Variants in CCDC180 observed in about 807,000 individuals in gnomAD.
CCDC180 encodes coiled-coil domain-containing protein 180.
A neutral mutation model predicts 209.2 loss-of-function variants in CCDC180; 154 were observed. The ratio of observed to expected loss-of-function variants is 0.74; its 90% confidence interval spans 0.65 to 0.84. The LOEUF (loss-of-function observed/expected upper bound fraction) is 0.84, where lower values mean the gene tolerates loss of function less well. CCDC180 is among the 40% of genes least tolerant of loss of function. The pLI, the probability that CCDC180 is intolerant of heterozygous loss-of-function variation, is 0.00. For missense variants in CCDC180, 1,874 were observed against 1,997.3 expected, an observed-to-expected ratio of 0.94 and a Z score of 1.18; for synonymous variants, 778 against 749.1, an observed-to-expected ratio of 1.04 and a Z score of -0.63.
In CCDC180 at chr9:97,326,708, C is replaced by G. The variant is rs768408423; in HGVS notation, c.1661+39C>G. On this transcript the variant is annotated intron_variant, in intron 15 of 36. Coordinates refer to ENST00000529487, the MANE Select transcript of CCDC180 (RefSeq NM_020893.6). Reference sequence around the variant, plus strand: ...ACTCCAGAAGGCAGGAAGGGATGGTCAGGAATTCATCTTCAAGGTCAAGGG... The same window carrying G: ...ACTCCAGAAGGCAGGAAGGGATGGTGAGGAATTCATCTTCAAGGTCAAGGG... 5 of 1,300,324 alleles carry G rather than the reference C, an allele frequency of 3.8e-6. No homozygotes were observed. In the African/African-American group the frequency reaches 4.4e-5, roughly 11 times the overall value. The allele number at this position is 1,300,324 out of a possible 1,614,324, so 80.5% of individuals were successfully genotyped here. A position where few individuals can be genotyped will look rare whatever the true frequency, so the allele number is the denominator to read the frequency against.
intron 19 of CCDC180, among the ~76,000 whole-genome samples, chr9:97,344,675 C>T (rs903252724): frequency 5.9e-5 from 9 of 152,178 alleles, no homozygotes; most frequent in African/African-American, 2.2e-4. Context: ...CAGAATCTTG[C>T]ACCAACCACT....
In CCDC180 at chr9:97,330,560, T is replaced by A. The variant is rs751417322; in HGVS notation, c.2067T>A (p.Ser689=). 5 of 1,614,148 alleles carry A rather than the reference T, an allele frequency of 3.1e-6. No individual in the cohort carries two copies. The highest frequency in any genetic ancestry group is 2.2e-5 in the South Asian group (2 of 91,078). ...HAKMDESKEG[S]IQGLEEMQVE... ...AGATGGATGAGTCCAAAGAAGGCTC[T>A]ATTCAGGGACTGGAAGAAATGCAGG... is the stretch of plus-strand genomic sequence containing the variant. The change falls in exon 18 of 37, where the codon TCT becomes TCA. Residue 689 remains serine, a synonymous_variant. Transcript: ENST00000529487.
rs80117659 is a variant in CCDC180 at position 97,343,582 on chromosome 9, T to A, written c.2498+19T>A. ...AGAAACAGTGAGTAAAAAACTATTT[T>A]ATTCTCATCCTGTTGTTCTGAGTTT... On this transcript the variant is annotated intron_variant, in intron 19 of 36. Transcript: ENST00000529487. 355 of 1,533,084 alleles carry A rather than the reference T, an allele frequency of 2.3e-4. 2 individuals are homozygous for A. In the East Asian group the frequency reaches 7.9e-3, roughly 34 times the overall value. The allele number at this position is 1,533,084 out of a possible 1,614,324, so 95.0% of individuals were successfully genotyped here.
chr9:97,339,102 C>G (rs1226292634), intron 18 of CCDC180, among the ~76,000 whole-genome samples: 1 of 152,150 alleles, frequency 6.6e-6, no homozygotes, highest in Non-Finnish European at 1.5e-5. Flanking sequence ...TGGGTCTTGA[C>G]TCTTTATTCA....
rs1228568071 is a variant in CCDC180, at chr9:97,343,385, A to T, written c.2320A>T (p.Met774Leu). Reference protein sequence around the residue: ...EGLEEIYYEDMESFTISSGNT... With the variant: ...EGLEEIYYEDLESFTISSGNT... ...TCTAGAGGAGATATACTATGAGGAC[A>T]TGGAGTCCTTCACAATCTCCAGTGG... Residue 774 changes from methionine (M) to leucine (L), a missense_variant, in exon 19 of 37, where the codon ATG (methionine) becomes TTG (leucine). Met to Leu is a conservative substitution (Grantham distance 15). Coordinates refer to ENST00000529487, the MANE Select transcript of CCDC180 (RefSeq NM_020893.6). 6.2e-7 allele frequency: 1 copy of T among 1,613,264 alleles called. No homozygotes were observed. The highest frequency in any genetic ancestry group is 2.2e-5 in the East Asian group (1 of 44,890).
intron 11 of CCDC180, among the ~76,000 whole-genome samples, chr9:97,321,815 A>C (rs1833367275): frequency 6.6e-6 from 1 of 152,182 alleles, no homozygotes; most frequent in Non-Finnish European, 1.5e-5. Flanking sequence ...GAGAACTGCA[A>C]GGGAGGTAAG....
At position 97,331,979 on chromosome 9, in the gene CCDC180, A is replaced by G. The variant is rs186819602; in HGVS notation, c.2274+1212A>G. Among the ~76,000 whole-genome samples the G allele has an allele frequency of 6.6e-5, 10 of 152,322 alleles. No homozygotes were observed. In the East Asian group the frequency reaches 1.3e-3, roughly 21 times the overall value. ...CATCATGAAATCTTTGCCAAGTCCTATGTCCAGAATGGTATTTCTTATTTT... is the reference window on the plus strand; with the variant it reads ...CATCATGAAATCTTTGCCAAGTCCTGTGTCCAGAATGGTATTTCTTATTTT... On this transcript the variant is annotated intron_variant, in intron 18 of 36. Transcript: ENST00000529487.
At position 97,370,701 on chromosome 9, in the gene CCDC180, G is replaced by A; in HGVS notation, c.4411G>A (p.Glu1471Lys). ...ACACCCCGTACATTTCCAAGAAATG[G>A]AGTCTCTACACTTAAGTGAAGAGGA... Reference protein sequence around the residue: ...LGHPVHFQEMESLHLSEEERQ... With the variant: ...LGHPVHFQEMKSLHLSEEERQ... The change falls in exon 33 of 37, where the codon GAG becomes AAG. Residue 1471 changes from glutamate (E) to lysine (K), a missense_variant. Transcript: ENST00000529487. The A allele has an allele frequency of 1.2e-6, 2 of 1,614,072 alleles. No homozygotes were observed. Among genetic ancestry groups the A allele is most frequent in the South Asian group, 2.2e-5 (2 of 91,076 alleles).
Position 97,330,783 on chromosome 9 carries a change from A to G in CCDC180, c.2274+16A>G. ...TGTGGGTGAGGTAAGCCAGCAACTG[A>G]TTCATTCTTGGGCATAGAGAAAGTT... On this transcript the variant is annotated intron_variant, in intron 18 of 36. Coordinates refer to ENST00000529487, the MANE Select transcript of CCDC180 (RefSeq NM_020893.6). 1 of 1,584,364 alleles carries G rather than the reference A, an allele frequency of 6.3e-7. No individual in the cohort carries two copies. Among genetic ancestry groups the G allele is most frequent in the South Asian group, 1.1e-5 (1 of 87,174 alleles).
At position 97,376,855 on chromosome 9, in the gene CCDC180, GA is replaced by G; in HGVS notation, c.4937del (p.Lys1646SerfsTer20). ...KEAQRWKDSW[K>X]QSLHTIQGLY... is the part of the protein sequence containing the mutation. ...AGGCTCAGCGCTGGAAGGACAGCTGGAAGCAGTCCCTGCACACTATCCAAGG... is the reference window on the plus strand; with the variant it reads ...AGGCTCAGCGCTGGAAGGACAGCTGGAGCAGTCCCTGCACACTATCCAAGG... On this transcript the variant is annotated frameshift_variant, in exon 37 of 37. Transcript: ENST00000529487. LOFTEE classifies it high-confidence loss of function. 6.2e-7 allele frequency: 1 copy of G among 1,612,996 alleles called. No individual in the cohort carries two copies. Among genetic ancestry groups the G allele is most frequent in the Non-Finnish European group, 8.5e-7 (1 of 1,179,910 alleles).
intron 18 of CCDC180, among the ~76,000 whole-genome samples, chr9:97,337,402 C>T (rs1034141268): frequency 6.6e-6 from 1 of 152,180 alleles, no homozygotes. Flanking sequence ...AAGGCCTTTT[C>T]TGCATCTATT....
In CCDC180 at chr9:97,365,685, G is replaced by A; in HGVS notation, c.3993G>A (p.Gly1331=). 4 of 1,614,078 alleles carry A rather than the reference G, an allele frequency of 2.5e-6. No homozygotes were observed. Among genetic ancestry groups the A allele is most frequent in the Non-Finnish European group, 3.4e-6 (4 of 1,179,990 alleles). Residue 1331 remains glycine, a synonymous_variant, in exon 30 of 37, where the codon GGG becomes GGA. Transcript: ENST00000529487. ...GTGTGTGTTGCAGGGATTTTAAGGG[G>A]ATCATCTTGACCCTCCTCTGGGAGA... The part of the protein sequence containing the change: ...KPPPAAEDFK[G]IILTLLWESS...
chr9:97,343,364 G>C lies in CCDC180; in HGVS notation c.2299G>C (p.Glu767Gln), dbSNP rs1826144904. The change falls in exon 19 of 37, where the codon GAG becomes CAG. Residue 767 changes from glutamate to glutamine, a missense_variant. Glu to Gln is a conservative substitution (Grantham distance 29). Transcript: ENST00000529487. ...GEEEDKEEGL[E>Q]EIYYEDMESF... ...GGAAGAAGACAAGGAAGAGGGTCTAGAGGAGATATACTATGAGGACATGGA... is the reference window on the plus strand; with the variant it reads ...GGAAGAAGACAAGGAAGAGGGTCTACAGGAGATATACTATGAGGACATGGA... 1 of 1,611,564 alleles carries C rather than the reference G, an allele frequency of 6.2e-7. No homozygotes were observed. Among genetic ancestry groups the C allele is most frequent in the African/African-American group, 1.3e-5 (1 of 74,982 alleles).
Position 97,362,246 on chromosome 9 carries a change from A to G in CCDC180, c.3707A>G (p.Gln1236Arg). Residue 1236 changes from glutamine (Q) to arginine (R), a missense_variant, in exon 28 of 37, where the codon CAG becomes CGG. Gln to Arg is a conservative substitution (Grantham distance 43). Coordinates refer to ENST00000529487, the MANE Select transcript of CCDC180 (RefSeq NM_020893.6). ...CACCATTGTGACAAAGATCCGTCCC[A>G]GACAGGTAGAGGCGCATGGGCCTGT... ...PTHHCDKDPS[Q>R]TGRGAWACGS... 2 of 1,614,110 alleles carry G rather than the reference A, an allele frequency of 1.2e-6. No homozygotes were observed. Among genetic ancestry groups the G allele is most frequent in the Non-Finnish European group, 1.7e-6 (2 of 1,180,008 alleles).
At chr9:97,318,001 G>GC (rs1416161732) in intron 9 of CCDC180, among the ~76,000 whole-genome samples, 2 of 152,172 alleles carry the variant, frequency 1.3e-5, no homozygotes, top group Non-Finnish European at 2.9e-5. Flanking sequence ...TTTCCCATGA[G>GC]CCAAGCACAG....
intron 5 of CCDC180, 24 bp downstream of exon 5, chr9:97,313,369 T>C (rs1301037341): frequency 6.5e-7 from 1 of 1,537,696 alleles, no homozygotes; most frequent in Admixed American, 1.7e-5. Flanking sequence ...CTCTCCCTTC[T>C]CTTCCCTTCC....
Position 97,357,787 on chromosome 9 carries a change from G to A in CCDC180, c.3363+62G>A, listed in dbSNP as rs1306613798. The A allele has an allele frequency of 1.3e-5, 18 of 1,355,526 alleles. No individual in the cohort carries two copies. In the East Asian group the frequency reaches 3.7e-4, roughly 28 times the overall value. 84.0% of individuals were successfully genotyped at this position (1,355,526 alleles called of 1,614,324 possible). On this transcript the variant is annotated intron_variant, in intron 25 of 36. Transcript: ENST00000529487. ...GATATATCATGCTAAAGTCATAAAT[G>A]TGAAATAAATTTACCTGTGTGTATA...
intron 36 of CCDC180, chr9:97,375,859 A>G (rs111363606): frequency 2.1e-5 from 10 of 466,104 alleles, no homozygotes; most frequent in African/African-American, 1.5e-4. Flanking sequence ...AGGCTTTCCA[A>G]AGGCACAGTA....
chr9:97,312,236 C>G (rs1384668909), intron 4 of CCDC180, 35 bp downstream of exon 4: 1 of 1,590,538 alleles, frequency 6.3e-7, no homozygotes, highest in Non-Finnish European at 8.6e-7. Context: ...CAGGCCTGTC[C>G]TGGGCCAGGA....
Sources: allele counts gnomAD v4.1 joint callset (sites outside exome capture counted in the v4.1 genomes callset), GRCh38; gene constraint gnomAD v4.1.1; transcripts MANE v1.5; gene names NCBI Gene and HGNC (gene_info 2026-07-23, HGNC 2026-07-21).